Variants in PTH2R observed in about 807,000 individuals in gnomAD.
PTH2R encodes the protein parathyroid hormone 2 receptor, also known as PTH2 receptor.
Under a neutral mutation model 60.3 loss-of-function variants are expected in PTH2R, and 59 were observed. The observed-to-expected ratio is 0.98, with a 90% CI of 0.79 to 1.22. The LOEUF is 1.22. Among genes scored for constraint, PTH2R ranks in the 50% most tolerant of loss-of-function variants. The probability of loss-of-function intolerance (pLI) is 0.00; values close to 1 mark genes in which losing one functional copy is unlikely to be tolerated. For missense variants in PTH2R, 749 were observed against 682.6 expected (o/e 1.10, Z -1.08); for synonymous variants, 256 against 243.8 (o/e 1.05, Z -0.47).
chr2:208,482,908 C>G (rs7600144), intron 10 of PTH2R, among the ~76,000 whole-genome samples: 1 of 152,162 alleles, frequency 6.6e-6, no homozygotes. Flanking sequence ...GTGAAGCCTC[C>G]CTGACTGCAC....
intron 1 of PTH2R, among the ~76,000 whole-genome samples, chr2:208,425,708 C>T (rs1701843612): frequency 6.6e-6 from 1 of 152,232 alleles, no homozygotes; most frequent in African/African-American, 2.4e-5. Flanking sequence ...TGGGCTGCAG[C>T]TTGTTCTGTG....
intron 2 of PTH2R, among the ~76,000 whole-genome samples, chr2:208,435,560 C>T (rs1702058199): frequency 6.6e-6 from 1 of 152,192 alleles, no homozygotes; most frequent in African/African-American, 2.4e-5. Context: ...GCCTTGCTGA[C>T]TTCGAAGATG....
At chr2:208,448,954 C>T (rs1240196459) in intron 7 of PTH2R, among the ~76,000 whole-genome samples, 1 of 152,048 alleles carries the variant, frequency 6.6e-6, no homozygotes, top group Non-Finnish European at 1.5e-5. Context: ...CGATATTTGA[C>T]ATAATTATCA....
chr2:208,407,234 A>C, intron 1 of PTH2R, 116 bp downstream of exon 1: 3 of 813,630 alleles, frequency 3.7e-6, no homozygotes, highest in Non-Finnish European at 5.2e-6. Flanking sequence ...ACGTCCACAA[A>C]CGCCCCGGCA....
intron 8 of PTH2R, among the ~76,000 whole-genome samples, chr2:208,454,243 C>T (rs769058208): frequency 1.3e-5 from 2 of 152,132 alleles, no homozygotes; most frequent in African/African-American, 2.4e-5. Flanking sequence ...CAGGTAACTG[C>T]GCTTTGCTCT....
At chr2:208,413,105 A>T (rs889545635) in intron 1 of PTH2R, among the ~76,000 whole-genome samples, 3 of 151,144 alleles carry the variant, frequency 2.0e-5, no homozygotes, top group African/African-American at 7.3e-5. Flanking sequence ...ATAAACACAG[A>T]TGTAGTTATT....
In PTH2R at chr2:208,444,782, A is replaced by G; in HGVS notation, c.748A>G (p.Asn250Asp). ...GATGTTTATTTACTTCCTGGCTACA[A>G]ATTATTATTGGATCCTGGTGGAAGG... ...VVMFIYFLATNYYWILVEGLY... is the reference protein window; with the variant it reads ...VVMFIYFLATDYYWILVEGLY... The change falls in exon 7 of 13, where the codon AAT (asparagine) becomes GAT (aspartate). Residue 250 changes from asparagine (N) to aspartate (D), a missense_variant. Physicochemically the swap from Asn to Asp is conservative, Grantham distance 23. Coordinates refer to ENST00000272847, the MANE Select transcript of PTH2R (RefSeq NM_005048.4). 1 of 1,613,852 alleles carries G rather than the reference A, an allele frequency of 6.2e-7. No homozygotes were observed. The highest frequency in any genetic ancestry group is 8.5e-7 in the Non-Finnish European group (1 of 1,179,864).
At chr2:208,445,516 G>A (rs1416391263) in intron 7 of PTH2R, among the ~76,000 whole-genome samples, 1 of 152,152 alleles carries the variant, frequency 6.6e-6, no homozygotes. Flanking sequence ...ATGGAGAAAA[G>A]AAATTGTTTG....
chr2:208,365,960 ATTTTTTTTTTTTTTTTTTTT>A (rs1172950601), intron 1 of PTH2R, among the ~76,000 whole-genome samples: 2 of 16,110 alleles, frequency 1.2e-4, no homozygotes, highest in Admixed American at 1.7e-3. Context: ...ATATATATAT[ATTTTTTTTTTTTTTTTTTTT>A]TTTTTTTTTT....
intron 10 of PTH2R, among the ~76,000 whole-genome samples, chr2:208,483,326 G>A (rs910284396): frequency 2.6e-5 from 4 of 152,178 alleles, no homozygotes; most frequent in African/African-American, 7.2e-5. Context: ...ATAGGCCAAA[G>A]GATAGAATAA....
intron 2 of PTH2R, among the ~76,000 whole-genome samples, chr2:208,434,600 T>C (rs1210201210): frequency 6.6e-6 from 1 of 152,190 alleles, no homozygotes; most frequent in Non-Finnish European, 1.5e-5. Flanking sequence ...GAAAATAGCA[T>C]ATGACATTGC....
chr2:208,360,875 C>T (rs561750094), intron 1 of PTH2R: 65 of 182,330 alleles, frequency 3.6e-4, no homozygotes, highest in Non-Finnish European at 6.8e-4. Context: ...GTGGAGGTGC[C>T]GGCCGCTCCT....
At chr2:208,472,013 A>G (rs986574305) in intron 9 of PTH2R, among the ~76,000 whole-genome samples, 1 of 152,210 alleles carries the variant, frequency 6.6e-6, no homozygotes, top group Non-Finnish European at 1.5e-5. Context: ...TGGGCCCTGT[A>G]GCCCCTTTGT....
chr2:208,395,047 CTTTTT>C (rs1372422476), intron 1 of PTH2R, among the ~76,000 whole-genome samples: 1 of 151,540 alleles, frequency 6.6e-6, no homozygotes, highest in African/African-American at 2.4e-5. Context: ...GATTTCTTTT[CTTTTT>C]TATTTTTTTT....
chr2:208,414,415 C>T (rs1275438715), intron 1 of PTH2R, among the ~76,000 whole-genome samples: 2 of 152,076 alleles, frequency 1.3e-5, no homozygotes, highest in African/African-American at 4.8e-5. Flanking sequence ...CAGTCTTGTG[C>T]ATGTGTAGAT....
At chr2:208,381,246 G>T (rs1190459423) in intron 1 of PTH2R, among the ~76,000 whole-genome samples, 1 of 151,722 alleles carries the variant, frequency 6.6e-6, no homozygotes, top group Admixed American at 6.6e-5. Flanking sequence ...TCCTCTAGAT[G>T]TATCATATCC....
At position 208,428,187 on chromosome 2, in the gene PTH2R, G is replaced by T. The variant is rs772348775; in HGVS notation, c.76-14G>T. 1.1e-5 allele frequency: 18 copies of T among 1,577,768 alleles called. No individual in the cohort carries two copies. Among genetic ancestry groups the T allele is most frequent in the African/African-American group, 9.4e-5 (7 of 74,144 alleles). The stretch of plus-strand genomic sequence containing the variant: ...AACATGATGAAAATGTTTGTATTTT[G>T]TTCACTTCTACAGCTGGATTCTGAT... On this transcript the variant is annotated splice_polypyrimidine_tract_variant and intron_variant, in intron 1 of 12. Transcript: ENST00000272847.
intron 1 of PTH2R, among the ~76,000 whole-genome samples, chr2:208,418,464 G>A (rs944551398): frequency 4.0e-5 from 6 of 151,390 alleles, no homozygotes; most frequent in East Asian, 3.9e-4. Flanking sequence ...AACAATGTAT[G>A]AGAATGATAA....
chr2:208,463,991 G>A (rs758061842), intron 9 of PTH2R, among the ~76,000 whole-genome samples: 5 of 152,162 alleles, frequency 3.3e-5, no homozygotes, highest in Non-Finnish European at 5.9e-5. Flanking sequence ...AGGCTATAAC[G>A]TTATCTACCC....
Sources: gnomAD v4.1 joint callset for allele counts (sites outside exome capture counted in the v4.1 genomes callset) on GRCh38, gnomAD v4.1.1 for gene constraint, MANE v1.5 for transcripts, NCBI Gene and HGNC (gene_info 2026-07-23, HGNC 2026-07-21) for gene names.